CA1: variants seen among roughly 807,000 people sequenced by gnomAD.
CA1 encodes the protein carbonate dehydratase I.
In CA1, 27 loss-of-function variants were observed where a neutral mutation model predicts 28.8. The observed-to-expected ratio is 0.94, with a 90% CI of 0.69 to 1.29. The LOEUF is 1.29. Among genes scored for constraint, CA1 ranks in the 50% most tolerant of loss-of-function variants. The probability of loss-of-function intolerance (pLI) is 0.00; values close to 1 mark genes in which losing one functional copy is unlikely to be tolerated. For missense variants in CA1, 335 were observed against 310.5 expected (o/e 1.08, Z -0.59); for synonymous variants, 121 against 108.8 (o/e 1.11, Z -0.70).
rs1486148877 is a variant in CA1 at position 85,338,330 on chromosome 8, T to G, written c.157A>C (p.Asn53His). 2.9e-5 allele frequency: 46 copies of G among 1,613,856 alleles called. No homozygotes were observed. Among genetic ancestry groups the G allele is most frequent in the Non-Finnish European group, 3.6e-5 (43 of 1,179,860 alleles). The change falls in exon 3 of 8, where the codon AAC (asparagine) becomes CAC (histidine). Residue 53 changes from asparagine to histidine, a missense_variant. By Grantham distance (68) the Asn-to-His change is moderately conservative. Coordinates refer to ENST00000523022, the MANE Select transcript of CA1 (RefSeq NM_001128831.4). The stretch of plus-strand genomic sequence containing the variant: ...ATAATTTCTTTGGCTGTGGCTGGGT[T>G]GTAGGAGACACTAATAGGTTTCAGA... ...TSLKPISVSY[N>H]PATAKEIINV...
rs558653142 is a variant in CA1, at chr8:85,352,426, A to G, written c.-24-10767T>C. Reference sequence around the variant, plus strand: ...ACATGTGTGAACCTGTCTTTTCTGGAAGCTAGATTTAGGTTAGCTTGAATG... The same window carrying G: ...ACATGTGTGAACCTGTCTTTTCTGGGAGCTAGATTTAGGTTAGCTTGAATG... On this transcript the variant is annotated intron_variant, in intron 1 of 7. Coordinates refer to ENST00000523022, the MANE Select transcript of CA1 (RefSeq NM_001128831.4). Among the ~76,000 whole-genome samples the G allele has an allele frequency of 2.0e-5, 3 of 152,258 alleles. No individual in the cohort carries two copies. In the East Asian group the frequency reaches 5.8e-4, roughly 29 times the overall value.
intron 1 of CA1, 189 bp from the exon 2 acceptor site, chr8:85,341,848 G>T: frequency 2.0e-6 from 1 of 501,106 alleles, no homozygotes; most frequent in Non-Finnish European, 3.5e-6. Flanking sequence ...CAAGGGCTAT[G>T]TTAGTTTCAA....
chr8:85,361,085 T>C (rs1809775754), intron 1 of CA1, among the ~76,000 whole-genome samples: 1 of 152,110 alleles, frequency 6.6e-6, no homozygotes, highest in Non-Finnish European at 1.5e-5. Context: ...TAGAGGCACA[T>C]GTTGTCCCAT....
chr8:85,344,203 T>C (rs1370202351), intron 1 of CA1, among the ~76,000 whole-genome samples: 1 of 111,722 alleles, frequency 9.0e-6, no homozygotes, highest in African/African-American at 5.0e-5. Context: ...TATTATACAG[T>C]ATATAATATA....
At chr8:85,364,897 G>C (rs752408112) in intron 1 of CA1, among the ~76,000 whole-genome samples, 23 of 152,330 alleles carry the variant, frequency 1.5e-4, no homozygotes, top group Non-Finnish European at 2.9e-4. Flanking sequence ...TGAGGGGCAC[G>C]TGGAGAGAAA....
intron 3 of CA1, 58 bp from the exon 4 acceptor site, chr8:85,337,121 T>G (rs1460204396): frequency 3.2e-6 from 3 of 940,890 alleles, no homozygotes; most frequent in Non-Finnish European, 5.3e-6. Flanking sequence ...AGCTTATCTT[T>G]GCATTTAATA....
intron 1 of CA1, among the ~76,000 whole-genome samples, chr8:85,360,562 A>C (rs1809753572): frequency 6.6e-6 from 1 of 152,104 alleles, no homozygotes; most frequent in African/African-American, 2.4e-5. Flanking sequence ...GCGTGGTGGC[A>C]TGTGCCTGTA....
At chr8:85,370,421 C>T in intron 1 of CA1, among the ~76,000 whole-genome samples, 1 of 151,976 alleles carries the variant, frequency 6.6e-6, no homozygotes, top group South Asian at 2.1e-4. Context: ...GTACTAAAAC[C>T]TTGGAGTTTT....
intron 1 of CA1, among the ~76,000 whole-genome samples, chr8:85,361,919 A>G (rs1326916866): frequency 6.6e-6 from 1 of 152,202 alleles, no homozygotes; most frequent in African/African-American, 2.4e-5. Flanking sequence ...TATTGAGTTT[A>G]TGGCAGACCA....
chr8:85,359,953 A>C (rs1048785628), intron 1 of CA1, among the ~76,000 whole-genome samples: 2 of 152,230 alleles, frequency 1.3e-5, no homozygotes, highest in Non-Finnish European at 2.9e-5. Flanking sequence ...AGGAGACTAA[A>C]ACCATGGAAA....
At chr8:85,365,131 A>C (rs1809954908) in intron 1 of CA1, among the ~76,000 whole-genome samples, 1 of 152,220 alleles carries the variant, frequency 6.6e-6, no homozygotes. Context: ...TTATGGCATC[A>C]CCGGTATATA....
At chr8:85,369,797 C>T (rs1021179419) in intron 1 of CA1, among the ~76,000 whole-genome samples, 5 of 152,170 alleles carry the variant, frequency 3.3e-5, no homozygotes, top group East Asian at 1.9e-4. Flanking sequence ...TCATCCCTTA[C>T]GCCTGTTACC....
intron 1 of CA1, among the ~76,000 whole-genome samples, chr8:85,366,827 A>T (rs1195108255): frequency 6.6e-6 from 1 of 152,134 alleles, no homozygotes; most frequent in Admixed American, 6.6e-5. Context: ...TGCATATAAA[A>T]TTTTTTTGCA....
chr8:85,334,789 G>A (rs7826511), intron 4 of CA1, among the ~76,000 whole-genome samples: 68,121 of 151,858 alleles, frequency 0.45, 16,635 homozygotes, highest in Non-Finnish European at 0.53. Context: ...TCAGGAGTTC[G>A]AGATCAGCCT....
chr8:85,329,566 AGTTGG>A (rs1291761031), intron 7 of CA1, 118 bp downstream of exon 7: 7 of 859,768 alleles, frequency 8.1e-6, no homozygotes, highest in Non-Finnish European at 1.1e-5. Context: ...AATATTTTTA[AGTTGG>A]GAGGAAAAAT....
Position 85,337,081 on chromosome 8 carries a change from C to T in CA1, c.236-18G>A, listed in dbSNP as rs770858043. ...TTTCAGCACTGGAAGAAAAGGGAAC[C>T]GATTGTTAGCCTGATGCTCCACAAA... On this transcript the variant is annotated intron_variant, in intron 3 of 7. Transcript: ENST00000523022. The T allele has an allele frequency of 5.2e-6, 7 of 1,354,034 alleles. No homozygotes were observed. The highest frequency in any genetic ancestry group is 7.4e-6 in the Non-Finnish European group (7 of 942,808). 83.9% of individuals were successfully genotyped at this position (1,354,034 alleles called of 1,614,324 possible). A position where few individuals can be genotyped will look rare whatever the true frequency, so the allele number is the denominator to read the frequency against.
intron 1 of CA1, among the ~76,000 whole-genome samples, chr8:85,377,823 A>G (rs978081051): frequency 2.2e-4 from 34 of 152,232 alleles, no homozygotes; most frequent in Admixed American, 9.2e-4. Context: ...AAGGTAATTT[A>G]TATTATCCTT....
chr8:85,358,189 A>G (rs1368385444), intron 1 of CA1, among the ~76,000 whole-genome samples: 1 of 152,154 alleles, frequency 6.6e-6, no homozygotes, highest in African/African-American at 2.4e-5. Flanking sequence ...AGGAGACAGG[A>G]CAGCCATGAC....
chr8:85,363,359 A>C (rs1321513498), intron 1 of CA1, among the ~76,000 whole-genome samples: 1 of 152,230 alleles, frequency 6.6e-6, no homozygotes, highest in Non-Finnish European at 1.5e-5. Context: ...AGATTTACAT[A>C]CTTTCAAGGC....
Sources: gnomAD v4.1 joint callset for allele counts (sites outside exome capture counted in the v4.1 genomes callset) on GRCh38, gnomAD v4.1.1 for gene constraint, MANE v1.5 for transcripts, NCBI Gene and HGNC (gene_info 2026-07-23, HGNC 2026-07-21) for gene names.